CNGB3: variants seen among roughly 807,000 people sequenced by gnomAD.
CNGB3 encodes cyclic nucleotide gated channel subunit beta 3, also known as cyclic nucleotide-gated channel beta-3.
Under a neutral mutation model 92.8 loss-of-function variants are expected in CNGB3, and 86 were observed. That is an observed-to-expected ratio of 0.93 (90% confidence interval 0.78 to 1.11). The LOEUF (loss-of-function observed/expected upper bound fraction) is 1.11. Ranked by LOEUF, CNGB3 falls within the 50% of genes least tolerant of loss-of-function variation. CNGB3 has a pLI of 0.00. For missense variants in CNGB3, 1,026 were observed against 956.8 expected, an observed-to-expected ratio of 1.07 and a Z score of -0.95; for synonymous variants, 333 against 332.7, an observed-to-expected ratio of 1.00 and a Z score of -0.01.
intron 7 of CNGB3, among the ~76,000 whole-genome samples, chr8:86,651,204 A>C (rs1585993189): frequency 6.6e-6 from 1 of 151,628 alleles, no homozygotes; most frequent in East Asian, 1.9e-4. Flanking sequence ...TACTGGATAC[A>C]ATGTACACTA....
intron 2 of CNGB3, among the ~76,000 whole-genome samples, chr8:86,738,209 A>T (rs34642225): frequency 0.75 from 113,007 of 151,528 alleles, 42,500 homozygotes; most frequent in African/African-American, 0.84. Flanking sequence ...TTTTGTATTT[A>T]TTTGGTTAGG....
intron 3 of CNGB3, among the ~76,000 whole-genome samples, chr8:86,676,091 A>G (rs1054456374): frequency 1.9e-4 from 29 of 152,180 alleles, no homozygotes; most frequent in African/African-American, 7.0e-4. Flanking sequence ...GAAAGAGAAC[A>G]TTTATAAGAC....
At chr8:86,731,971 A>G (rs757757850) in intron 2 of CNGB3, among the ~76,000 whole-genome samples, 2 of 152,230 alleles carry the variant, frequency 1.3e-5, no homozygotes, top group African/African-American at 4.8e-5. Context: ...GCAATTTTCC[A>G]TAAGTCAGCT....
At chr8:86,704,481 C>A (rs1824615909) in intron 3 of CNGB3, 1 of 152,168 alleles carries the variant, frequency 6.6e-6, no homozygotes, top group African/African-American at 2.4e-5. Context: ...ATCCTGTTAA[C>A]TAGGGATGAT....
At chr8:86,630,574 T>C (rs1246361753) in intron 11 of CNGB3, among the ~76,000 whole-genome samples, 1 of 152,144 alleles carries the variant, frequency 6.6e-6, no homozygotes, top group African/African-American at 2.4e-5. Context: ...GTAGTTAAAA[T>C]GTGATGATTG....
At chr8:86,695,358 T>A (rs113765646) in intron 3 of CNGB3, among the ~76,000 whole-genome samples, 14,489 of 98,662 alleles carry the variant, frequency 0.15, 719 homozygotes, top group East Asian at 0.18. Context: ...GTTCATTTTT[T>A]AAAAAATTAT....
chr8:86,596,525 G>T (rs972725529), intron 15 of CNGB3, among the ~76,000 whole-genome samples: 6 of 152,176 alleles, frequency 3.9e-5, no homozygotes. Flanking sequence ...ATGTGCATTT[G>T]TACATTCACA....
At chr8:86,668,965 G>T (rs887363209) in intron 4 of CNGB3, among the ~76,000 whole-genome samples, 23 of 152,136 alleles carry the variant, frequency 1.5e-4, no homozygotes, top group African/African-American at 5.6e-4. Flanking sequence ...GCGGCAGTCA[G>T]CTATGACTGT....
intron 11 of CNGB3, among the ~76,000 whole-genome samples, chr8:86,632,102 G>A (rs1040496847): frequency 2.6e-5 from 4 of 151,662 alleles, no homozygotes; most frequent in Non-Finnish European, 5.9e-5. Flanking sequence ...GGGGGGCTGG[G>A]GTGGGTAGAT....
At chr8:86,718,356 A>T (rs1171084629) in intron 3 of CNGB3, among the ~76,000 whole-genome samples, 1 of 152,148 alleles carries the variant, frequency 6.6e-6, no homozygotes, top group Non-Finnish European at 1.5e-5. Context: ...ATACCACAGA[A>T]ATACAAAAGG....
At chr8:86,676,429 C>T (rs996653222) in intron 3 of CNGB3, among the ~76,000 whole-genome samples, 3 of 152,076 alleles carry the variant, frequency 2.0e-5, no homozygotes, top group African/African-American at 2.4e-5. Flanking sequence ...AACATTTTAA[C>T]GTAAGATCCC....
Position 86,644,618 on chromosome 8 carries a change from T to C in CNGB3, c.1055+4A>G. 1 of 1,601,096 alleles carries C rather than the reference T, an allele frequency of 6.2e-7. No individual in the cohort carries two copies. Among genetic ancestry groups the C allele is most frequent in the Non-Finnish European group, 8.5e-7 (1 of 1,171,248 alleles). On this transcript the variant is annotated splice_donor_region_variant and intron_variant, in intron 9 of 17. Coordinates refer to ENST00000320005, the MANE Select transcript of CNGB3 (RefSeq NM_019098.5). ...TCCCCCAAGTATACTGAGTTATACT[T>C]TACCTGTAGATATATGCTTTGTCCA...
chr8:86,588,153 G>T (rs1821936484), intron 15 of CNGB3, among the ~76,000 whole-genome samples: 1 of 146,522 alleles, frequency 6.8e-6, no homozygotes, highest in African/African-American at 2.6e-5. Flanking sequence ...TGTTGTTGGT[G>T]TATAGGAATG....
chr8:86,594,183 G>A (rs1563719556), intron 15 of CNGB3: 1 of 275,780 alleles, frequency 3.6e-6, no homozygotes, highest in Admixed American at 4.3e-5. Context: ...ATCACCCACT[G>A]GGGCTCCCCC....
chr8:86,693,549 A>G (rs1228963297), intron 3 of CNGB3, among the ~76,000 whole-genome samples: 1 of 149,784 alleles, frequency 6.7e-6, no homozygotes, highest in Non-Finnish European at 1.5e-5. Context: ...CAGATAAACA[A>G]GTGAACAAAG....
chr8:86,668,003 C>G lies in CNGB3; in HGVS notation c.643+16G>C, dbSNP rs1823776923. ...AGCCAGCCCTCCCACTATGATAATTCACCCTTTGATAATACCTGTGTATGA... is the reference window on the plus strand; with the variant it reads ...AGCCAGCCCTCCCACTATGATAATTGACCCTTTGATAATACCTGTGTATGA... On this transcript the variant is annotated intron_variant, in intron 5 of 17. Coordinates refer to ENST00000320005, the MANE Select transcript of CNGB3 (RefSeq NM_019098.5). 1 of 1,613,844 alleles carries G rather than the reference C, an allele frequency of 6.2e-7. No homozygotes were observed. Among genetic ancestry groups the G allele is most frequent in the African/African-American group, 1.3e-5 (1 of 74,986 alleles).
intron 3 of CNGB3, among the ~76,000 whole-genome samples, chr8:86,674,488 AC>A (rs1823924796): frequency 6.6e-6 from 1 of 152,110 alleles, no homozygotes; most frequent in Non-Finnish European, 1.5e-5. Context: ...CTGCCTATAT[AC>A]ATATGGAAGC....
chr8:86,645,805 C>T (rs1823283848), intron 8 of CNGB3, among the ~76,000 whole-genome samples: 2 of 151,264 alleles, frequency 1.3e-5, no homozygotes, highest in African/African-American at 2.4e-5. Context: ...TGCACAAAGG[C>T]ATGATTTTAA....
intron 8 of CNGB3, among the ~76,000 whole-genome samples, chr8:86,647,469 G>C (rs1366084339): frequency 1.3e-5 from 2 of 149,782 alleles, no homozygotes; most frequent in Admixed American, 6.7e-5. Context: ...AACTGAAAAA[G>C]GACAAATAGA....
Sources: allele counts gnomAD v4.1 joint callset (sites outside exome capture counted in the v4.1 genomes callset), GRCh38; gene constraint gnomAD v4.1.1; transcripts MANE v1.5; gene names NCBI Gene and HGNC (gene_info 2026-07-23, HGNC 2026-07-21).